Variants in SPDYE10 observed in about 807,000 individuals in gnomAD.
SPDYE10 encodes speedy protein E10.
chr7:73,113,809 G>A, the SPDYE10 span, among the ~76,000 whole-genome samples: 1 of 151,988 alleles, frequency 6.6e-6, no homozygotes, highest in African/African-American at 2.4e-5. Context: ...GCCAAGGAGG[G>A]TGGATCACGA....
chr7:73,137,870 AGGAGAAGGGGAGGGGAAGGAG>A, the SPDYE10 span, among the ~76,000 whole-genome samples: 1 of 102,232 alleles, frequency 9.8e-6, no homozygotes, highest in Admixed American at 1.0e-4. Context: ...GGGGAAGGAG[AGGAGAAGGGGAGGGGAAGGAG>A]AGGGGAAGGG....
the SPDYE10 span, among the ~76,000 whole-genome samples, chr7:73,113,783 C>G: frequency 1.2e-3 from 185 of 152,074 alleles, 2 homozygotes; most frequent in African/African-American, 4.1e-3. Flanking sequence ...TGCCTGTAAT[C>G]CCAGCACTTT....
At chr7:73,127,597 GAGAGGAAGGGGAAGGGGA>G in the SPDYE10 span, among the ~76,000 whole-genome samples, 9 of 69,466 alleles carry the variant, frequency 1.3e-4, no homozygotes, top group Non-Finnish European at 2.1e-4. Flanking sequence ...GGGGAAGGGG[GAGAGGAAGGGGAAGGGGA>G]AGGGAATGGA....
chr7:73,116,875 C>T, the SPDYE10 span, among the ~76,000 whole-genome samples: 1 of 150,858 alleles, frequency 6.6e-6, no homozygotes, highest in Non-Finnish European at 1.5e-5. Context: ...GCCACTGCAC[C>T]CAGCCTCAGC....
chr7:73,113,783 C>A, the SPDYE10 span, among the ~76,000 whole-genome samples: 7 of 151,986 alleles, frequency 4.6e-5, no homozygotes, highest in Non-Finnish European at 1.5e-5. Flanking sequence ...TGCCTGTAAT[C>A]CCAGCACTTT....
chr7:73,138,071 GCA>G, the SPDYE10 span, among the ~76,000 whole-genome samples: 1 of 152,246 alleles, frequency 6.6e-6, no homozygotes, highest in Non-Finnish European at 1.5e-5. Context: ...AGCTTTCCTG[GCA>G]CAGAGCTAGA....
the SPDYE10 span, among the ~76,000 whole-genome samples, chr7:73,114,562 A>T: frequency 2.9e-5 from 4 of 139,028 alleles, no homozygotes; most frequent in African/African-American, 1.0e-4. Flanking sequence ...TTGGAAACAG[A>T]GTCTCACTCT....
the SPDYE10 span, among the ~76,000 whole-genome samples, chr7:73,130,370 C>T: frequency 8.6e-5 from 13 of 151,470 alleles, no homozygotes; most frequent in Non-Finnish European, 1.9e-4. Flanking sequence ...CAGGATAGAG[C>T]TTTTCGTGTT....
chr7:73,127,842 T>C, the SPDYE10 span, among the ~76,000 whole-genome samples: 1 of 129,190 alleles, frequency 7.7e-6, no homozygotes, highest in African/African-American at 3.1e-5. Flanking sequence ...GATGGGTGTG[T>C]AGAAAAAGGA....
At chr7:73,124,084 A>G in the SPDYE10 span, among the ~76,000 whole-genome samples, 2 of 149,168 alleles carry the variant, frequency 1.3e-5, no homozygotes, top group Non-Finnish European at 3.0e-5. Flanking sequence ...TGCCTGACTA[A>G]CACCCCTTTC....
At chr7:73,127,515 C>T in the SPDYE10 span, among the ~76,000 whole-genome samples, 1 of 69,442 alleles carries the variant, frequency 1.4e-5, no homozygotes, top group African/African-American at 5.6e-5. Flanking sequence ...GCCAAGATCA[C>T]GCCACTGCTC....
chr7:73,149,720 G>T, the SPDYE10 span, among the ~76,000 whole-genome samples: 1 of 139,078 alleles, frequency 7.2e-6, no homozygotes, highest in Admixed American at 7.1e-5. Context: ...TCACATCTTA[G>T]CATGCTCTAG....
chr7:73,145,133 T>C, the SPDYE10 span, among the ~76,000 whole-genome samples: 9 of 145,520 alleles, frequency 6.2e-5, no homozygotes, highest in Admixed American at 2.7e-4. Context: ...CTTTTCTTTC[T>C]TTCTTTCTCT....
chr7:73,150,907 A>AATATATAT, the SPDYE10 span, among the ~76,000 whole-genome samples: 2 of 11,580 alleles, frequency 1.7e-4, no homozygotes, highest in Non-Finnish European at 2.8e-4. Context: ...AAAAAAAAAA[A>AATATATAT]ATATATATAT....
chr7:73,142,805 C>T, the SPDYE10 span, among the ~76,000 whole-genome samples: 2 of 152,004 alleles, frequency 1.3e-5, no homozygotes, highest in Non-Finnish European at 2.9e-5. Context: ...TGGTGGTGGG[C>T]GCCTGTAGTC....
the SPDYE10 span, among the ~76,000 whole-genome samples, chr7:73,111,717 A>C: frequency 2.8e-5 from 1 of 35,454 alleles, no homozygotes; most frequent in African/African-American, 1.4e-4. Context: ...CTTCCCACAC[A>C]CCCTCCCCAG....
chr7:73,127,305 C>T, the SPDYE10 span, among the ~76,000 whole-genome samples: 1 of 79,018 alleles, frequency 1.3e-5, no homozygotes, highest in African/African-American at 5.1e-5. Context: ...AATCCCAGCA[C>T]TTTGGGAGGC....
At chr7:73,132,546 CAAAAAAAAA>C in the SPDYE10 span, among the ~76,000 whole-genome samples, 28 of 59,476 alleles carry the variant, frequency 4.7e-4, no homozygotes, top group African/African-American at 1.5e-3. Flanking sequence ...GACCCTGTCT[CAAAAAAAAA>C]AAAAAAAAAA....
chr7:73,104,467 C>G, the SPDYE10 span: 1 of 96,892 alleles, frequency 1.0e-5, no homozygotes, highest in South Asian at 3.5e-4. Context: ...TCAAAAATAC[C>G]AGTATTTCCA....
Sources: gnomAD v4.1 joint callset for allele counts (sites outside exome capture counted in the v4.1 genomes callset) on GRCh38, gnomAD v4.1.1 for gene constraint, MANE v1.5 for transcripts, NCBI Gene and HGNC (gene_info 2026-07-23, HGNC 2026-07-21) for gene names.